Variants in GRM7 observed in about 807,000 individuals in gnomAD.
GRM7 encodes glutamate metabotropic receptor 7, also known as metabotropic glutamate receptor 7.
In GRM7, 35 loss-of-function variants were observed where a neutral mutation model predicts 84.5. That is an observed-to-expected ratio of 0.41 (90% CI 0.32 to 0.55). GRM7 has a LOEUF of 0.55. Ranked by LOEUF, GRM7 falls within the 20% of genes least tolerant of loss-of-function variation. GRM7 has a pLI of 0.19. For synonymous variants in GRM7, 487 were observed against 455.1 expected (o/e 1.07, Z -0.89); for missense variants, 1,003 against 1,194.6 (o/e 0.84, Z 2.36).
intron 1 of GRM7, among the ~76,000 whole-genome samples, chr3:6,937,294 G>A (rs1000967772): frequency 6.6e-6 from 1 of 152,198 alleles, no homozygotes; most frequent in African/African-American, 2.4e-5. Flanking sequence ...GGGAAAGGAT[G>A]AAATGATTTC....
At chr3:7,271,269 C>T (rs762719927) in intron 2 of GRM7, among the ~76,000 whole-genome samples, 3 of 152,122 alleles carry the variant, frequency 2.0e-5, no homozygotes, top group Admixed American at 6.5e-5. Context: ...GTTAGAAATG[C>T]AGAATCTCGG....
In GRM7 at chr3:7,461,556, A is replaced by C. The variant is rs754968419; in HGVS notation, c.1376-27A>C. ...ATAAGGAATCTTGTTTAACTTTAGAATCTTTCATTTTTTCTGTCTTCCTTA... is the reference window on the plus strand; with the variant it reads ...ATAAGGAATCTTGTTTAACTTTAGACTCTTTCATTTTTTCTGTCTTCCTTA... On this transcript the variant is annotated intron_variant, in intron 6 of 9. Coordinates refer to ENST00000357716, the MANE Select transcript of GRM7 (RefSeq NM_000844.4). The C allele has an allele frequency of 2.5e-6, 4 of 1,593,192 alleles. No individual in the cohort carries two copies. The African/African-American group carries it at 4.0e-5, about 16-fold the overall frequency.
At chr3:7,425,031 C>T (rs13068639) in intron 5 of GRM7, among the ~76,000 whole-genome samples, 48,953 of 152,034 alleles carry the variant, frequency 0.32, 9,204 homozygotes, top group Non-Finnish European at 0.44. Flanking sequence ...TTTCTCCTCT[C>T]ATGCCTAGTT....
At chr3:7,572,881 A>ATATAT (rs1694771532) in intron 7 of GRM7, among the ~76,000 whole-genome samples, 1 of 76,164 alleles carries the variant, frequency 1.3e-5, no homozygotes, top group Non-Finnish European at 2.6e-5. Context: ...TATATATATA[A>ATATAT]ATAATCTTTC....
intron 1 of GRM7, among the ~76,000 whole-genome samples, chr3:7,039,063 C>A (rs1323030350): frequency 6.6e-6 from 1 of 152,122 alleles, no homozygotes; most frequent in Non-Finnish European, 1.5e-5. Flanking sequence ...GATGCATGGT[C>A]AAGTTTGAGG....
At chr3:6,958,830 G>C (rs1337937888) in intron 1 of GRM7, among the ~76,000 whole-genome samples, 1 of 152,074 alleles carries the variant, frequency 6.6e-6, no homozygotes, top group East Asian at 1.9e-4. Context: ...CAGGTACCAA[G>C]TTTCTCATAC....
intron 1 of GRM7, among the ~76,000 whole-genome samples, chr3:6,982,417 C>T (rs1694244675): frequency 1.3e-5 from 2 of 152,046 alleles, no homozygotes; most frequent in South Asian, 2.1e-4. Flanking sequence ...AGTCATAATA[C>T]ATGTTACAAA....
intron 1 of GRM7, among the ~76,000 whole-genome samples, chr3:6,886,069 A>G (rs1479980058): frequency 6.6e-6 from 1 of 150,800 alleles, no homozygotes; most frequent in Non-Finnish European, 1.5e-5. Flanking sequence ...AATAATTAGC[A>G]CATCTATTGC....
At chr3:7,050,848 C>T (rs1237926820) in intron 1 of GRM7, among the ~76,000 whole-genome samples, 1 of 151,730 alleles carries the variant, frequency 6.6e-6, no homozygotes, top group Admixed American at 6.6e-5. Flanking sequence ...TTCCTCCTTT[C>T]CCCACAGTGT....
In GRM7 at chr3:7,415,175, C is replaced by T; in HGVS notation, c.1174+12C>T. 2 of 1,609,198 alleles carry T rather than the reference C, an allele frequency of 1.2e-6. No homozygotes were observed. Among genetic ancestry groups the T allele is most frequent in the Non-Finnish European group, 1.7e-6 (2 of 1,175,916 alleles). ...TCGCAAATGCACAGGTAATTTAATT[C>T]TCGTTGTCCTTCTCCTATTACTCTA... On this transcript the variant is annotated intron_variant, in intron 5 of 9. Transcript: ENST00000357716.
At chr3:7,573,237 A>C (rs2125048148) in intron 7 of GRM7, among the ~76,000 whole-genome samples, 1 of 149,536 alleles carries the variant, frequency 6.7e-6, no homozygotes, top group East Asian at 2.0e-4. Context: ...AATGTATTTT[A>C]ATGAACAAAT....
chr3:6,932,171 T>G (rs1697523909), intron 1 of GRM7, among the ~76,000 whole-genome samples: 1 of 152,220 alleles, frequency 6.6e-6, no homozygotes. Context: ...GTGAATCGAA[T>G]GACTAGATAT....
chr3:7,353,570 A>C (rs1350182088), intron 4 of GRM7, among the ~76,000 whole-genome samples: 1 of 152,070 alleles, frequency 6.6e-6, no homozygotes, highest in Admixed American at 6.6e-5. Context: ...AGAAGATTGG[A>C]ATTACAGTGT....
chr3:7,516,341 G>A (rs1318401920), intron 7 of GRM7, among the ~76,000 whole-genome samples: 1 of 149,844 alleles, frequency 6.7e-6, no homozygotes, highest in Non-Finnish European at 1.5e-5. Context: ...GCCAGGCGTG[G>A]TGGTGTGCGC....
intron 5 of GRM7, among the ~76,000 whole-genome samples, chr3:7,423,306 G>C (rs531920715): frequency 1.3e-5 from 2 of 152,274 alleles, no homozygotes; most frequent in African/African-American, 4.8e-5. Flanking sequence ...ATAATTATTT[G>C]AGCTGTGTGT....
At chr3:7,499,897 C>G (rs7430404) in intron 7 of GRM7, among the ~76,000 whole-genome samples, 70,381 of 151,628 alleles carry the variant, frequency 0.46, 16,729 homozygotes, top group East Asian at 0.72. Context: ...GCCTCAGCCT[C>G]CCAAATAGCT....
intron 8 of GRM7, among the ~76,000 whole-genome samples, chr3:7,668,353 C>G (rs973555413): frequency 6.6e-6 from 1 of 152,180 alleles, no homozygotes; most frequent in Non-Finnish European, 1.5e-5. Context: ...CCAATTAAGT[C>G]CCCTCTATTT....
intron 2 of GRM7, among the ~76,000 whole-genome samples, chr3:7,288,186 A>T (rs1699497481): frequency 6.6e-6 from 1 of 152,182 alleles, no homozygotes; most frequent in African/African-American, 2.4e-5. Context: ...TATACAAAGG[A>T]AGATGTATTT....
intron 7 of GRM7, among the ~76,000 whole-genome samples, chr3:7,547,276 G>A (rs1693207704): frequency 7.7e-6 from 1 of 129,570 alleles, no homozygotes; most frequent in African/African-American, 3.0e-5. Flanking sequence ...GCGTAATCTC[G>A]CCTCACTGCA....
Sources: gnomAD v4.1 joint callset for allele counts (sites outside exome capture counted in the v4.1 genomes callset) on GRCh38, gnomAD v4.1.1 for gene constraint, MANE v1.5 for transcripts, NCBI Gene and HGNC (gene_info 2026-07-23, HGNC 2026-07-21) for gene names.